EGFL7: variants seen among roughly 807,000 people sequenced by gnomAD.
EGFL7 encodes EGF like domain multiple 7.
In EGFL7, 48 loss-of-function variants were observed where a neutral mutation model predicts 37.1. The ratio of observed to expected loss-of-function variants is 1.29; its 90% CI spans 1.03 to 1.65. The LOEUF is 1.65. Among genes scored for constraint, EGFL7 ranks in the 40% most tolerant of loss-of-function variants. The probability of loss-of-function intolerance (pLI) is 0.00; values close to 1 mark genes in which losing one functional copy is unlikely to be tolerated. For synonymous variants in EGFL7, 180 were observed against 156.8 expected, an observed-to-expected ratio of 1.15 and a Z score of -1.10; for missense variants, 384 against 378.9, an observed-to-expected ratio of 1.01 and a Z score of -0.11.
intron 4 of EGFL7, 63 bp downstream of exon 4, chr9:136,668,425 AGAG>A: frequency 6.6e-7 from 1 of 1,522,222 alleles, no homozygotes; most frequent in Non-Finnish European, 8.9e-7. Context: ...AGCACCTCCT[AGAG>A]GCGGCCCTCA....
chr9:136,661,257 C>T (rs753887711), upstream of EGFL7, among the ~76,000 whole-genome samples: 3 of 152,228 alleles, frequency 2.0e-5, no homozygotes, highest in Non-Finnish European at 4.4e-5. Flanking sequence ...GGGACTGGGC[C>T]CGGCCTGCTG....
chr9:136,669,535 G>A, intron 5 of EGFL7, 71 bp from the exon 6 acceptor site: 1 of 1,135,018 alleles, frequency 8.8e-7, no homozygotes, highest in Non-Finnish European at 1.3e-6. Context: ...TCTGAGAGGG[G>A]ACTCTAGATG....
chr9:136,664,923 C>A (rs1452379748), intron 3 of EGFL7, 138 bp downstream of exon 3: 2 of 152,308 alleles, frequency 1.3e-5, no homozygotes, highest in Non-Finnish European at 2.9e-5. Flanking sequence ...ACGTGCCGCG[C>A]CCGCAGTAAC....
intron 3 of EGFL7, 136 bp from the exon 4 acceptor site, chr9:136,668,105 C>T (rs932286876): frequency 2.4e-5 from 14 of 579,650 alleles, no homozygotes; most frequent in Non-Finnish European, 3.6e-5. Context: ...AGAGAGTGGG[C>T]GCCACCGTGG....
At position 136,668,969 on chromosome 9, in the gene EGFL7, C is replaced by A. The variant is rs527441138; in HGVS notation, c.197+296C>A. ...CCATCCTGTCTGCACCCCTCCACTT[C>A]CGGGGGACTAACCCCTCCCTACCCT... On this transcript the variant is annotated intron_variant, in intron 5 of 10. Transcript: ENST00000308874. Among the ~76,000 whole-genome samples, 272 of 152,288 alleles carry A rather than the reference C, an allele frequency of 1.8e-3. 4 individuals carry two copies. Among genetic ancestry groups the A allele is most frequent in the African/African-American group, 6.3e-3 (261 of 41,554 alleles).
At chr9:136,665,442 G>A (rs1845397077) in intron 3 of EGFL7, among the ~76,000 whole-genome samples, 1 of 152,226 alleles carries the variant, frequency 6.6e-6, no homozygotes, top group Non-Finnish European at 1.5e-5. Context: ...CTAGCAAAGG[G>A]CCCGCAGCCC....
At chr9:136,667,961 T>G (rs540173101) in intron 3 of EGFL7, among the ~76,000 whole-genome samples, 7 of 152,164 alleles carry the variant, frequency 4.6e-5, no homozygotes, top group Non-Finnish European at 8.8e-5. Flanking sequence ...CTCGGGCAGA[T>G]GCCCAGCAGG....
chr9:136,667,189 C>T (rs1181397268), intron 3 of EGFL7, among the ~76,000 whole-genome samples: 1 of 152,156 alleles, frequency 6.6e-6, no homozygotes, highest in Non-Finnish European at 1.5e-5. Flanking sequence ...GAGGAGGGGC[C>T]TCAGAGACCC....
chr9:136,668,286 A>AG lies in EGFL7; in HGVS notation c.8dup (p.Ser4LeufsTer26). 6.2e-7 allele frequency: 1 copy of AG among 1,605,258 alleles called. No homozygotes were observed. The highest frequency in any genetic ancestry group is 8.5e-7 in the Non-Finnish European group (1 of 1,176,464). On this transcript the variant is annotated frameshift_variant, in exon 4 of 11. Transcript: ENST00000308874. LOFTEE classifies it high-confidence loss of function. ...ACCCCGCCTGGAGGCACAGGCCATG[A>AG]GGGGCTCTCAGGAGGTGCTGCTGAT...
At position 136,672,078 on chromosome 9, in the gene EGFL7, G is replaced by A. The variant is rs1040331276; in HGVS notation, c.789G>A (p.Gln263=). The part of the protein sequence containing the change: ...LSEQISFLEE[Q]LGSCSCKKDS ...AGCAGATTTCCTTCCTGGAGGAGCA[G>A]CTGGGGTCCTGTGAGTGCCCCCACC... is the stretch of plus-strand genomic sequence containing the variant. The change falls in exon 10 of 11, where the codon CAG becomes CAA. Residue 263 remains glutamine (Q), a synonymous_variant. Transcript: ENST00000308874. 8 of 1,546,390 alleles carry A rather than the reference G, an allele frequency of 5.2e-6. No individual in the cohort carries two copies. In the African/African-American group the frequency reaches 8.2e-5, roughly 16 times the overall value.
At position 136,672,052 on chromosome 9, in the gene EGFL7, G is replaced by A. The variant is rs373954666; in HGVS notation, c.763G>A (p.Glu255Lys). 122 of 1,546,210 alleles carry A rather than the reference G, an allele frequency of 7.9e-5. No homozygotes were observed. The highest frequency in any genetic ancestry group is 6.1e-4 in the South Asian group (51 of 84,156). Residue 255 changes from glutamate (E) to lysine (K), a missense_variant, in exon 10 of 11, where the codon GAG becomes AAG. By Grantham distance (56) the Glu-to-Lys change is moderately conservative. Transcript: ENST00000308874. ...GCTCGGCCGCATCGACTCCCTGAGC[G>A]AGCAGATTTCCTTCCTGGAGGAGCA... is the stretch of plus-strand genomic sequence containing the variant. Reference protein sequence around the residue: ...QQLGRIDSLSEQISFLEEQLG... With the variant: ...QQLGRIDSLSKQISFLEEQLG...
rs954502458 is a variant in EGFL7 at position 136,666,252 on chromosome 9, C to T, written c.-43+1467C>T. 5.9e-5 allele frequency among the ~76,000 whole-genome samples: 9 copies of T among 151,622 alleles called. No homozygotes were observed. The highest frequency in any genetic ancestry group is 2.2e-4 in the African/African-American group (9 of 41,396). ...CGTCTCGCTCCGCCTCTGCGCCCTCCCTCGTGGGCCCCGCGGTCCCCAGCC... is the reference window on the plus strand; with the variant it reads ...CGTCTCGCTCCGCCTCTGCGCCCTCTCTCGTGGGCCCCGCGGTCCCCAGCC... On this transcript the variant is annotated intron_variant, in intron 3 of 10. Transcript: ENST00000308874. This position sits in a 1 kb window ranked among gnomAD's most constrained non-coding sequence, Gnocchi z 6.8.
chr9:136,669,089 AG>A (rs1464327691), intron 5 of EGFL7, among the ~76,000 whole-genome samples: 1 of 152,150 alleles, frequency 6.6e-6, no homozygotes, highest in African/African-American at 2.4e-5. Context: ...GACGGCCCCC[AG>A]TGGGCACAGA....
chr9:136,666,404 C>A lies in EGFL7; in HGVS notation c.-43+1619C>A. On this transcript the variant is annotated intron_variant, in intron 3 of 10. Coordinates refer to ENST00000308874, the MANE Select transcript of EGFL7 (RefSeq NM_016215.5). The surrounding 1 kb of genome is among the most constrained non-coding windows in gnomAD (Gnocchi z 6.8). ...GGCAGGTGGGGAGGGAGCCCGTGGGCGCTGGGGGCACGGGGACCGGACTGC... is the reference window on the plus strand; with the variant it reads ...GGCAGGTGGGGAGGGAGCCCGTGGGAGCTGGGGGCACGGGGACCGGACTGC... Among the ~76,000 whole-genome samples the A allele has an allele frequency of 6.6e-6, 1 of 151,818 alleles. No homozygotes were observed. Among genetic ancestry groups the A allele is most frequent in the Middle Eastern group, 3.4e-3 (1 of 292 alleles).
intron 9 of EGFL7, among the ~76,000 whole-genome samples, chr9:136,671,681 C>T (rs563057364): frequency 6.6e-6 from 1 of 152,216 alleles, no homozygotes; most frequent in East Asian, 1.9e-4. Flanking sequence ...AGTGGTCCAG[C>T]TGTCCCCCTA....
At chr9:136,671,536 C>CA (rs1036226315) in intron 9 of EGFL7, among the ~76,000 whole-genome samples, 1 of 72,934 alleles carries the variant, frequency 1.4e-5, no homozygotes, top group Non-Finnish European at 3.1e-5. Context: ...CTGACCAGGA[C>CA]CCCCCAGGGC....
At position 136,672,012 on chromosome 9, in the gene EGFL7, G is replaced by A. The variant is rs766471772; in HGVS notation, c.723G>A (p.Val241=). The change falls in exon 10 of 11, where the codon GTG becomes GTA. Residue 241 remains valine (V), a synonymous_variant. Transcript: ENST00000308874. ...HGLPDPGSLL[V]HSFQQLGRID... is the part of the protein sequence containing the mutation. Reference sequence around the variant, plus strand: ...TCCCGGACCCCGGCAGCCTCCTGGTGCACTCCTTCCAGCAGCTCGGCCGCA... The same window carrying A: ...TCCCGGACCCCGGCAGCCTCCTGGTACACTCCTTCCAGCAGCTCGGCCGCA... 1.4e-5 allele frequency: 21 copies of A among 1,544,246 alleles called. No homozygotes were observed. The highest frequency in any genetic ancestry group is 2.6e-6 in the Non-Finnish European group (3 of 1,146,808).
chr9:136,662,877 C>G (rs1845232756), upstream of EGFL7: 1 of 152,342 alleles, frequency 6.6e-6, no homozygotes, highest in South Asian at 2.1e-4. Context: ...CCCGATTACC[C>G]AGGACGGAGC....
In EGFL7 at chr9:136,668,374, C is replaced by G. The variant is rs1298150572; in HGVS notation, c.80+12C>G. The G allele has an allele frequency of 6.3e-7, 1 of 1,584,154 alleles. No homozygotes were observed. Among genetic ancestry groups the G allele is most frequent in the Admixed American group, 1.7e-5 (1 of 57,524 alleles). On this transcript the variant is annotated intron_variant, in intron 4 of 10. Transcript: ENST00000308874. ...GCCTACCGGCCCGGGTGAGCCAAGC[C>G]CTAGCCTGGGAGTGCTGGGGTGGGG... is the stretch of plus-strand genomic sequence containing the variant.
Sources: gnomAD v4.1 joint callset for allele counts (sites outside exome capture counted in the v4.1 genomes callset) on GRCh38, gnomAD v4.1.1 for gene constraint, Gnocchi (gnomAD v3.1) non-coding constraint, MANE v1.5 for transcripts, NCBI Gene and HGNC (gene_info 2026-07-23, HGNC 2026-07-21) for gene names.